CUBN: variants seen among roughly 807,000 people sequenced by gnomAD.
CUBN encodes the protein 460 kDa receptor.
Under a neutral mutation model 405.3 loss-of-function variants are expected in CUBN, and 282 were observed. That is an observed-to-expected ratio of 0.70 (90% CI 0.63 to 0.77). The LOEUF is 0.77. CUBN is among the 30% of genes least tolerant of loss of function. The pLI is 0.00. For synonymous variants in CUBN, 1,684 were observed against 1,617.0 expected (o/e 1.04, Z -0.99); for missense variants, 4,514 against 4,475.2 (o/e 1.01, Z -0.25).
chr10:16,851,818 A>C (rs111165376), intron 59 of CUBN, among the ~76,000 whole-genome samples: 9,502 of 35,538 alleles, frequency 0.27, 1,799 homozygotes, highest in African/African-American at 0.54. Flanking sequence ...CTCCCTCTAT[A>C]TTTCCCTCCC....
intron 10 of CUBN, 29 bp downstream of exon 10, chr10:17,109,611 C>T: frequency 6.4e-7 from 1 of 1,570,708 alleles, no homozygotes; most frequent in East Asian, 2.2e-5. Flanking sequence ...TTACAATACC[C>T]AAAGCCAAAG....
intron 54 of CUBN, among the ~76,000 whole-genome samples, chr10:16,894,768 C>T (rs1004875221): frequency 2.0e-5 from 3 of 152,130 alleles, no homozygotes; most frequent in Admixed American, 1.3e-4. Flanking sequence ...TTGCATTAAA[C>T]CTATCCATCA....
intron 40 of CUBN, among the ~76,000 whole-genome samples, chr10:16,929,530 A>G (rs1842307490): frequency 6.6e-6 from 1 of 151,940 alleles, no homozygotes; most frequent in African/African-American, 2.4e-5. Context: ...ACAACTTGAA[A>G]CTCATTCATT....
At chr10:17,050,998 C>T (rs1435574002) in intron 22 of CUBN, among the ~76,000 whole-genome samples, 2 of 151,702 alleles carry the variant, frequency 1.3e-5, no homozygotes, top group Non-Finnish European at 2.9e-5. Flanking sequence ...GATATGGGAC[C>T]CCCATATCAT....
intron 56 of CUBN, 126 bp from the exon 57 acceptor site, chr10:16,877,223 G>T: frequency 1.2e-6 from 1 of 854,832 alleles, no homozygotes; most frequent in Non-Finnish European, 1.9e-6. Flanking sequence ...TGAGAAACGA[G>T]ATATTTAACT....
chr10:16,884,038 A>T (rs148830316), intron 56 of CUBN, among the ~76,000 whole-genome samples: 2,283 of 152,212 alleles, frequency 0.015, 53 homozygotes, highest in African/African-American at 0.052. Context: ...GGAGGGCAGT[A>T]GCGCAATCTT....
intron 62 of CUBN, 90 bp from the exon 63 acceptor site, chr10:16,836,472 T>C: frequency 1.6e-6 from 2 of 1,240,998 alleles, no homozygotes; most frequent in Non-Finnish European, 2.4e-6. Context: ...AAAAGCATGG[T>C]GTAAATATTT....
intron 31 of CUBN, among the ~76,000 whole-genome samples, chr10:16,975,580 A>C (rs1022999560): frequency 4.6e-5 from 7 of 151,496 alleles, no homozygotes; most frequent in African/African-American, 1.7e-4. Context: ...CAAAACTATA[A>C]GTAGCTTTGT....
chr10:16,922,058 C>T (rs1364157312), intron 43 of CUBN, among the ~76,000 whole-genome samples: 1 of 152,146 alleles, frequency 6.6e-6, no homozygotes, highest in African/African-American at 2.4e-5. Flanking sequence ...TGATACCTTT[C>T]ACCATATGGC....
At chr10:16,997,235 A>G (rs968603029) in intron 28 of CUBN, among the ~76,000 whole-genome samples, 2 of 152,114 alleles carry the variant, frequency 1.3e-5, no homozygotes, top group African/African-American at 4.8e-5. Flanking sequence ...GGAGATCGAG[A>G]CCATCCTGGC....
intron 2 of CUBN, among the ~76,000 whole-genome samples, chr10:17,128,237 C>A (rs1044521671): frequency 2.0e-5 from 3 of 152,182 alleles, no homozygotes; most frequent in Non-Finnish European, 4.4e-5. Flanking sequence ...TAAGTCCTGG[C>A]TCAGCTATTT....
intron 14 of CUBN, among the ~76,000 whole-genome samples, chr10:17,097,855 C>T (rs1007747605): frequency 4.6e-5 from 7 of 152,006 alleles, no homozygotes; most frequent in African/African-American, 1.4e-4. Flanking sequence ...TAACTAGGAA[C>T]AAAAGGTGTG....
chr10:16,982,697 T>A (rs1833310110), intron 30 of CUBN, 44 bp from the exon 31 acceptor site: 8 of 1,538,506 alleles, frequency 5.2e-6, no homozygotes, highest in Non-Finnish European at 5.4e-6. Flanking sequence ...GAATCATGGA[T>A]GCTCGAAAAT....
intron 34 of CUBN, among the ~76,000 whole-genome samples, chr10:16,949,435 GT>G (rs1842867168): frequency 3.3e-5 from 2 of 59,844 alleles, no homozygotes; most frequent in African/African-American, 1.4e-4. Flanking sequence ...AAATGGCCTG[GT>G]GTGTGTGTGT....
At chr10:17,060,327 G>C (rs922962010) in intron 22 of CUBN, among the ~76,000 whole-genome samples, 3 of 151,816 alleles carry the variant, frequency 2.0e-5, no homozygotes, top group East Asian at 3.9e-4. Flanking sequence ...CTCCATGTTG[G>C]TCAGGCTGGT....
At chr10:16,975,114 G>A (rs1833052639) in intron 31 of CUBN, among the ~76,000 whole-genome samples, 2 of 152,206 alleles carry the variant, frequency 1.3e-5, no homozygotes, top group Admixed American at 1.3e-4. Flanking sequence ...CATTGTTCAA[G>A]AGTCAACTGT....
intron 13 of CUBN, among the ~76,000 whole-genome samples, chr10:17,102,688 ACTCCGCCTC>A (rs113240327): frequency 2.5e-4 from 28 of 113,048 alleles, no homozygotes; most frequent in African/African-American, 9.8e-4. Context: ...CTCACTACAA[ACTCCGCCTC>A]CTGGATTCAA....
chr10:17,053,841 T>C (rs897698722), intron 22 of CUBN, among the ~76,000 whole-genome samples: 1 of 152,050 alleles, frequency 6.6e-6, no homozygotes, highest in Non-Finnish European at 1.5e-5. Flanking sequence ...CTCCATAAAT[T>C]TTAAACAATT....
chr10:16,897,019 T>A (rs998823648), intron 54 of CUBN, among the ~76,000 whole-genome samples: 3 of 152,246 alleles, frequency 2.0e-5, no homozygotes, highest in African/African-American at 7.2e-5. Context: ...TAGTTCTTTA[T>A]TGTAACCATT....
Sources: gnomAD v4.1 joint callset for allele counts (sites outside exome capture counted in the v4.1 genomes callset) on GRCh38, gnomAD v4.1.1 for gene constraint, MANE v1.5 for transcripts, NCBI Gene and HGNC (gene_info 2026-07-23, HGNC 2026-07-21) for gene names.